AGBL1: variants seen among roughly 807,000 people sequenced by gnomAD.
AGBL1 encodes the protein AGBL carboxypeptidase 1, also known as cytosolic carboxypeptidase 4.
A neutral mutation model predicts 118.9 loss-of-function variants in AGBL1; 130 were observed. That is an observed-to-expected ratio of 1.09 (90% CI 0.95 to 1.26). AGBL1 has a LOEUF of 1.26. Ranked by LOEUF, AGBL1 falls within the 50% of genes most tolerant of loss-of-function variation. AGBL1 has a pLI of 0.00. For synonymous variants in AGBL1, 555 were observed against 478.9 expected (o/e 1.16, Z -2.08); for missense variants, 1,584 against 1,298.1 (o/e 1.22, Z -3.38).
intron 22 of AGBL1, among the ~76,000 whole-genome samples, chr15:86,768,437 GC>G (rs756506330): frequency 6.6e-6 from 1 of 151,818 alleles, no homozygotes; most frequent in Non-Finnish European, 1.5e-5. Context: ...ACCACCTTCT[GC>G]CTTGTTCACT....
intron 22 of AGBL1, among the ~76,000 whole-genome samples, chr15:86,870,902 A>T (rs1174916939): frequency 6.6e-6 from 1 of 152,198 alleles, no homozygotes; most frequent in African/African-American, 2.4e-5. Context: ...TTCCAAACAA[A>T]ATTTTAGCTC....
chr15:87,006,241 C>T (rs1415761849), intron 24 of AGBL1, among the ~76,000 whole-genome samples: 2 of 152,214 alleles, frequency 1.3e-5, no homozygotes, highest in African/African-American at 4.8e-5. Context: ...ACATTTAAAT[C>T]TGCAGAGGTT....
At position 86,243,147 on chromosome 15, in the gene AGBL1, T is replaced by C. The variant is rs540346224; in HGVS notation, c.527-4524T>C. On this transcript the variant is annotated intron_variant, in intron 6 of 22. Transcript: ENST00000614907. ...GTTTGTAACATCAAAAGGATACATT[T>C]TTTTTTCCTCCTGATTGTCAAAGTT... is the stretch of plus-strand genomic sequence containing the variant. Among the ~76,000 whole-genome samples the C allele has an allele frequency of 3.3e-5, 5 of 152,306 alleles. No homozygotes were observed. In the East Asian group the frequency reaches 7.7e-4, roughly 23 times the overall value.
chr15:86,141,211 A>G (rs2076958733), intron 1 of AGBL1, among the ~76,000 whole-genome samples: 1 of 152,224 alleles, frequency 6.6e-6, no homozygotes, highest in African/African-American at 2.4e-5. Flanking sequence ...AGTATCAAGC[A>G]TTGCAGAGAT....
intron 23 of AGBL1, among the ~76,000 whole-genome samples, chr15:86,935,352 A>G (rs1168869929): frequency 6.6e-6 from 1 of 152,170 alleles, no homozygotes; most frequent in Non-Finnish European, 1.5e-5. Flanking sequence ...TGTACACGTG[A>G]ATACATTGGT....
intron 5 of AGBL1, among the ~76,000 whole-genome samples, chr15:86,211,649 G>A (rs1317004882): frequency 6.6e-6 from 1 of 152,212 alleles, no homozygotes; most frequent in Non-Finnish European, 1.5e-5. Context: ...GCCGAGCCAG[G>A]CATGGGATAT....
chr15:86,584,385 G>A (rs2142338214), intron 21 of AGBL1, among the ~76,000 whole-genome samples: 1 of 152,226 alleles, frequency 6.6e-6, no homozygotes, highest in Non-Finnish European at 1.5e-5. Context: ...TATGGGTCTA[G>A]TTTCATTTTT....
chr15:86,349,178 T>C (rs531463202), intron 17 of AGBL1, among the ~76,000 whole-genome samples: 2 of 152,212 alleles, frequency 1.3e-5, no homozygotes, highest in Non-Finnish European at 2.9e-5. Flanking sequence ...AAATATGGCC[T>C]GGTAACATCT....
chr15:86,924,278 A>T lies in AGBL1; in HGVS notation c.3222-63709A>T, dbSNP rs369079118. Among the ~76,000 whole-genome samples the T allele has an allele frequency of 2.6e-4, 39 of 152,352 alleles. No homozygotes were observed. The East Asian group carries it at 7.3e-3, about 29-fold the overall frequency. On this transcript the variant is annotated intron_variant, in intron 23 of 24. Transcript: ENST00000441037. ...AAGGACATTGTGATCCTAATGGTAC[A>T]ATGAATGGTCTTATTGGCAAGGACA...
In AGBL1 at chr15:86,944,314, G is replaced by A. The variant is rs568868948; in HGVS notation, c.3222-43673G>A. ...AAATCGCTTGAACCAGGGAGGCAGAGGTTACGGGGAGCTGAGATTGTGCCA... is the reference window on the plus strand; with the variant it reads ...AAATCGCTTGAACCAGGGAGGCAGAAGTTACGGGGAGCTGAGATTGTGCCA... On this transcript the variant is annotated intron_variant, in intron 23 of 24. Coordinates refer to the AGBL1 transcript ENST00000441037. Among the ~76,000 whole-genome samples the A allele has an allele frequency of 1.0e-2, 1,519 of 152,234 alleles. 12 individuals are homozygous for A. Among genetic ancestry groups the A allele is most frequent in the Non-Finnish European group, 0.016 (1,059 of 68,014 alleles).
At chr15:86,377,586 C>T (rs1019955224) in intron 17 of AGBL1, among the ~76,000 whole-genome samples, 4 of 152,196 alleles carry the variant, frequency 2.6e-5, no homozygotes, top group African/African-American at 9.7e-5. Flanking sequence ...AAAGGCTTCT[C>T]TCATTACATT....
chr15:86,298,129 T>C (rs2079675686), intron 17 of AGBL1, among the ~76,000 whole-genome samples: 1 of 151,012 alleles, frequency 6.6e-6, no homozygotes, highest in South Asian at 2.1e-4. Flanking sequence ...AAGGCCTTTC[T>C]TCATACCCAG....
intron 7 of AGBL1, among the ~76,000 whole-genome samples, chr15:86,253,907 T>C (rs980437070): frequency 6.6e-6 from 1 of 152,134 alleles, no homozygotes; most frequent in Non-Finnish European, 1.5e-5. Context: ...TGATTTATGC[T>C]TTTAAAGGAC....
chr15:86,261,613 T>A (rs1213304884), intron 9 of AGBL1, among the ~76,000 whole-genome samples: 1 of 148,450 alleles, frequency 6.7e-6, no homozygotes, highest in Non-Finnish European at 1.5e-5. Flanking sequence ...AAACATATGG[T>A]ATTTTTTTTT....
At position 86,426,549 on chromosome 15, in the gene AGBL1, G is replaced by C. The variant is rs75303167; in HGVS notation, c.2555+29003G>C. Among the ~76,000 whole-genome samples, 1,437 of 152,284 alleles carry C rather than the reference G, an allele frequency of 9.4e-3. 11 individuals are homozygous for C. Among genetic ancestry groups the C allele is most frequent in the Non-Finnish European group, 0.015 (1,044 of 68,030 alleles). On this transcript the variant is annotated intron_variant, in intron 18 of 22. Coordinates refer to ENST00000614907, the MANE Select transcript of AGBL1 (RefSeq NM_001386094.1). ...AGGAAGTATCAACTTCAGCCAGATG[G>C]AACCGGCCAACAACTGAAGCCTCAA...
intron 22 of AGBL1, among the ~76,000 whole-genome samples, chr15:86,721,624 C>T (rs541405884): frequency 3.9e-5 from 6 of 152,310 alleles, no homozygotes; most frequent in African/African-American, 1.4e-4. Context: ...CTCACCACTC[C>T]TATTCAACAT....
In AGBL1 at chr15:86,435,474, A is replaced by G. The variant is rs531056882; in HGVS notation, c.2555+37928A>G. ...TAAATTTACATTTTTGAAGAATCCT[A>G]TGTTTTAAGCCATGAAAGGTGCTCC... On this transcript the variant is annotated intron_variant, in intron 18 of 22. Coordinates refer to ENST00000614907, the MANE Select transcript of AGBL1 (RefSeq NM_001386094.1). Among the ~76,000 whole-genome samples, 222 of 152,326 alleles carry G rather than the reference A, an allele frequency of 1.5e-3. 6 individuals carry two copies. In the South Asian group the frequency reaches 0.044, roughly 30 times the overall value.
intron 6 of AGBL1, among the ~76,000 whole-genome samples, chr15:86,228,623 T>G (rs1450937795): frequency 6.6e-6 from 1 of 152,100 alleles, no homozygotes; most frequent in Non-Finnish European, 1.5e-5. Flanking sequence ...AAGTGAGGGA[T>G]CAGGGAGACT....
rs368424740 is a variant in AGBL1, at chr15:86,267,046, G to A, written c.1808G>A (p.Gly603Glu). The change falls in exon 13 of 23, where the codon GGA (glycine) becomes GAA (glutamate). Residue 603 changes from glycine (G) to glutamate (E), a missense_variant. By Grantham distance (98) the Gly-to-Glu change is moderately conservative (BLOSUM62 -2). Transcript: ENST00000614907. ...CLRFFSKFESGNLRKAIQVRE... is the reference protein window; with the variant it reads ...CLRFFSKFESENLRKAIQVRE... ...CGGTTCTTCTCCAAATTTGAGTCAG[G>A]AAATCTTCGCAAAGCCATCCAAGTG... 9 of 1,568,388 alleles carry A rather than the reference G, an allele frequency of 5.7e-6. No individual in the cohort carries two copies. The African/African-American group carries it at 1.1e-4, about 19-fold the overall frequency.
Sources: allele counts gnomAD v4.1 joint callset (sites outside exome capture counted in the v4.1 genomes callset), GRCh38; gene constraint gnomAD v4.1.1; transcripts MANE v1.5; gene names NCBI Gene and HGNC (gene_info 2026-07-23, HGNC 2026-07-21).